Variants in MAU2 observed in about 807,000 individuals in gnomAD.
The protein encoded by MAU2 is MAU2 chromatid cohesion factor homolog.
Under a neutral mutation model 89.1 loss-of-function variants are expected in MAU2, and 9 were observed. The ratio of observed to expected loss-of-function variants is 0.10; its 90% CI spans 0.06 to 0.18. The LOEUF is 0.18. Among genes scored for constraint, MAU2 ranks in the 10% least tolerant of loss-of-function variants. The probability of loss-of-function intolerance (pLI) is 1.00; values close to 1 mark genes in which losing one functional copy is unlikely to be tolerated. For missense variants in MAU2, 425 were observed against 803.5 expected, an observed-to-expected ratio of 0.53 and a Z score of 5.69; for synonymous variants, 357 against 343.4, an observed-to-expected ratio of 1.04 and a Z score of -0.44.
Position 19,338,952 on chromosome 19 carries a change from T to TC in MAU2, c.551+17dup, listed in dbSNP as rs1473278829. The TC allele has an allele frequency of 6.2e-7, 1 of 1,600,342 alleles. No individual in the cohort carries two copies. Among genetic ancestry groups the TC allele is most frequent in the Non-Finnish European group, 8.5e-7 (1 of 1,171,904 alleles). On this transcript the variant is annotated intron_variant, in intron 5 of 18. Coordinates refer to ENST00000262815, the MANE Select transcript of MAU2 (RefSeq NM_015329.4). Reference sequence around the variant, plus strand: ...CTGAATACACACGGTAGGCACCCACTCCCCTCCTTCCCTCCTGCTCTGTTA... The same window carrying TC: ...CTGAATACACACGGTAGGCACCCACTCCCCCTCCTTCCCTCCTGCTCTGTTA...
chr19:19,343,330 G>A (rs147314155), intron 9 of MAU2, among the ~76,000 whole-genome samples: 71 of 152,280 alleles, frequency 4.7e-4, no homozygotes, highest in Non-Finnish European at 7.8e-4. Flanking sequence ...CCCATTAGTC[G>A]GTCTGTTTGC....
At chr19:19,354,714 C>T (rs950555728) in intron 17 of MAU2, 12 of 507,196 alleles carry the variant, frequency 2.4e-5, no homozygotes, top group East Asian at 1.7e-4. Context: ...GGCTGTTAGC[C>T]GTGGCGCTCT....
In MAU2 at chr19:19,347,432, G is replaced by T. The variant is rs147541443; in HGVS notation, c.1308+66G>T. The stretch of plus-strand genomic sequence containing the variant: ...TCTCTTCTTTTTGGGGAACCAGGGG[G>T]TTGTCCTGGGCACCAGCACATCTCA... On this transcript the variant is annotated intron_variant, in intron 13 of 18. Transcript: ENST00000262815. The T allele has an allele frequency of 6.6e-4, 869 of 1,309,974 alleles. 4 individuals are homozygous for T. In the African/African-American group the frequency reaches 0.011, roughly 17 times the overall value. The allele number at this position is 1,309,974 out of a possible 1,614,324, so 81.1% of individuals were successfully genotyped here.
At chr19:19,341,430 G>T in intron 7 of MAU2, 23 bp downstream of exon 7, 1 of 1,612,226 alleles carries the variant, frequency 6.2e-7, no homozygotes. Context: ...TCTCAGGCGA[G>T]CTGCTGGTTG....
intron 12 of MAU2, among the ~76,000 whole-genome samples, chr19:19,346,450 G>A (rs554216158): frequency 6.6e-6 from 1 of 152,202 alleles, no homozygotes; most frequent in African/African-American, 2.4e-5. Context: ...CCACCCAGGA[G>A]TGATGGAGCC....
intron 1 of MAU2, chr19:19,328,950 TC>T: frequency 4.7e-6 from 2 of 426,680 alleles, no homozygotes; most frequent in Non-Finnish European, 9.4e-6. Context: ...GCGTGCTTTC[TC>T]TGTGGTTGGA....
chr19:19,337,991 G>A (rs1415968043), intron 4 of MAU2, among the ~76,000 whole-genome samples: 5 of 152,230 alleles, frequency 3.3e-5, no homozygotes, highest in Non-Finnish European at 4.4e-5. Flanking sequence ...ACCCTCAGGC[G>A]GGTGGCCGGC....
Position 19,336,111 on chromosome 19 carries a change from G to T in MAU2, c.295-11G>T. 3.1e-6 allele frequency: 5 copies of T among 1,608,636 alleles called. No homozygotes were observed. Among genetic ancestry groups the T allele is most frequent in the Non-Finnish European group, 4.3e-6 (5 of 1,175,258 alleles). On this transcript the variant is annotated splice_polypyrimidine_tract_variant and intron_variant, in intron 2 of 18. Transcript: ENST00000262815. ...CGCAGTGTCTGTACTTCCTTAACTG[G>T]ACGTCACTAGATCCCGCAGTTCGAA...
At chr19:19,322,668 G>T (rs531861540) in intron 1 of MAU2, among the ~76,000 whole-genome samples, 1 of 149,462 alleles carries the variant, frequency 6.7e-6, no homozygotes, top group Non-Finnish European at 1.5e-5. Flanking sequence ...TCACAGCAGC[G>T]CTGTGATCCT....
intron 2 of MAU2, 144 bp downstream of exon 2, chr19:19,335,879 G>A: frequency 1.1e-6 from 1 of 911,540 alleles, no homozygotes; most frequent in Non-Finnish European, 1.8e-6. Context: ...CCCCCACCTG[G>A]CCCTCTGCTG....
At chr19:19,354,227 G>T (rs1179564932) in intron 16 of MAU2, 128 bp from the exon 17 acceptor site, 5 of 699,768 alleles carry the variant, frequency 7.1e-6, no homozygotes, top group Non-Finnish European at 1.3e-5. Flanking sequence ...TTCACCAGAC[G>T]CAGAAGGAGG....
chr19:19,347,834 A>G (rs2061707275), intron 13 of MAU2: 1 of 154,580 alleles, frequency 6.5e-6, no homozygotes. Context: ...CAATGCTTGC[A>G]TAAGAGTTAG....
At chr19:19,344,951 C>A in intron 11 of MAU2, 25 bp downstream of exon 11, 1 of 1,605,998 alleles carries the variant, frequency 6.2e-7, no homozygotes, top group East Asian at 2.2e-5. Context: ...GACAACACCC[C>A]GGGAGAATCC....
In MAU2 at chr19:19,345,295, T is replaced by C; in HGVS notation, c.1156-9T>C. ...GGCCGGCCCTGATGACAACACCACC[T>C]TCTTCCAGGGCCTGTACTGTGTCTC... On this transcript the variant is annotated splice_polypyrimidine_tract_variant and intron_variant, in intron 11 of 18. Coordinates refer to ENST00000262815, the MANE Select transcript of MAU2 (RefSeq NM_015329.4). This position sits in a 1 kb window ranked among gnomAD's most constrained non-coding sequence, Gnocchi z 4.9. 1 of 1,613,240 alleles carries C rather than the reference T, an allele frequency of 6.2e-7. No individual in the cohort carries two copies. Among genetic ancestry groups the C allele is most frequent in the Non-Finnish European group, 8.5e-7 (1 of 1,179,456 alleles).
At chr19:19,326,494 G>A (rs933269735) in intron 1 of MAU2, among the ~76,000 whole-genome samples, 2 of 151,378 alleles carry the variant, frequency 1.3e-5, no homozygotes, top group Non-Finnish European at 2.9e-5. Flanking sequence ...AGACCATCCT[G>A]GCTAACAAGG....
chr19:19,334,783 TC>T (rs1216009959), intron 1 of MAU2, among the ~76,000 whole-genome samples: 2 of 152,008 alleles, frequency 1.3e-5, no homozygotes, highest in African/African-American at 4.8e-5. Flanking sequence ...CACCTCCTGC[TC>T]CCCCTTTTCC....
Position 19,356,117 on chromosome 19 carries a change from T to C in MAU2, c.*335T>C. The C allele has an allele frequency of 2.0e-6, 1 of 498,800 alleles. No homozygotes were observed. The highest frequency in any genetic ancestry group is 1.6e-5 in the South Asian group (1 of 63,830). 30.9% of individuals were successfully genotyped at this position (498,800 alleles called of 1,614,324 possible). A position where few individuals can be genotyped will look rare whatever the true frequency, so the allele number is the denominator to read the frequency against. On this transcript the variant is annotated 3_prime_UTR_variant, in exon 19 of 19. Coordinates refer to ENST00000262815, the MANE Select transcript of MAU2 (RefSeq NM_015329.4). Reference sequence around the variant, plus strand: ...GCAGGCCTCCAGCAGGTCCTAATCCTGTGTGCCAGGGCAGGCAGTGCCCCA... The same window carrying C: ...GCAGGCCTCCAGCAGGTCCTAATCCCGTGTGCCAGGGCAGGCAGTGCCCCA...
intron 1 of MAU2, among the ~76,000 whole-genome samples, chr19:19,328,423 CTTT>C (rs576082599): frequency 1.4e-5 from 2 of 140,430 alleles, no homozygotes; most frequent in African/African-American, 2.6e-5. Context: ...TCCCCCTTAA[CTTT>C]TTTTTTTTTT....
chr19:19,339,949 A>G (rs945038440), intron 5 of MAU2, among the ~76,000 whole-genome samples: 1 of 151,944 alleles, frequency 6.6e-6, no homozygotes, highest in African/African-American at 2.4e-5. Context: ...TGGGCAGATC[A>G]CGAGGTCAGG....
Sources: gnomAD v4.1 joint callset for allele counts (sites outside exome capture counted in the v4.1 genomes callset) on GRCh38, gnomAD v4.1.1 for gene constraint, Gnocchi (gnomAD v3.1) non-coding constraint, MANE v1.5 for transcripts, NCBI Gene and HGNC (gene_info 2026-07-23, HGNC 2026-07-21) for gene names.